Variants in GREM2 observed in about 807,000 individuals in gnomAD.
GREM2 encodes gremlin 2, DAN family BMP antagonist, also known as gremlin-2.
GREM2 carries 11 observed loss-of-function variants against 14.2 expected under a neutral mutation model. That is an observed-to-expected ratio of 0.78 (90% CI 0.49 to 1.28). The LOEUF (loss-of-function observed/expected upper bound fraction) is 1.28. Ranked by LOEUF, GREM2 falls within the 50% of genes most tolerant of loss-of-function variation. GREM2 has a pLI of 0.00. For synonymous variants in GREM2, 98 were observed against 97.6 expected (o/e 1.00, Z -0.02); for missense variants, 210 against 218.5 (o/e 0.96, Z 0.24).
At chr1:240,585,594 G>A (rs1031970408) in intron 1 of GREM2, among the ~76,000 whole-genome samples, 1 of 151,808 alleles carries the variant, frequency 6.6e-6, no homozygotes, top group African/African-American at 2.4e-5. Flanking sequence ...GCCAGGCGTG[G>A]TGGCGGGCGC....
intron 1 of GREM2, among the ~76,000 whole-genome samples, chr1:240,555,925 G>C (rs1678946543): frequency 6.6e-6 from 1 of 152,124 alleles, no homozygotes; most frequent in Non-Finnish European, 1.5e-5. Context: ...AATAGCCTTT[G>C]GCTCTTATTT....
chr1:240,559,166 A>T (rs963797125), intron 1 of GREM2, among the ~76,000 whole-genome samples: 2 of 152,164 alleles, frequency 1.3e-5, no homozygotes, highest in East Asian at 1.9e-4. Context: ...ACTCTGTTAC[A>T]TTGAAATTCA....
intron 1 of GREM2, among the ~76,000 whole-genome samples, chr1:240,594,810 G>A (rs1163441500): frequency 1.3e-5 from 2 of 152,084 alleles, no homozygotes; most frequent in East Asian, 1.9e-4. Flanking sequence ...ATCCTTGTAC[G>A]AGCATCATAG....
chr1:240,546,483 C>T (rs1022937842), intron 1 of GREM2, among the ~76,000 whole-genome samples: 2 of 152,202 alleles, frequency 1.3e-5, no homozygotes, highest in Non-Finnish European at 2.9e-5. Flanking sequence ...CATGTCACTA[C>T]AAGGTCATCA....
intron 1 of GREM2, among the ~76,000 whole-genome samples, chr1:240,587,328 T>TC (rs1679617875): frequency 6.6e-6 from 1 of 151,920 alleles, no homozygotes; most frequent in South Asian, 2.1e-4. Flanking sequence ...TTTTCTTTTT[T>TC]TTGGGGGGGT....
chr1:240,588,171 T>G (rs893802195), intron 1 of GREM2, among the ~76,000 whole-genome samples: 2 of 152,184 alleles, frequency 1.3e-5, no homozygotes, highest in Non-Finnish European at 2.9e-5. Context: ...TGTACTGTTT[T>G]TCAGTGTTTT....
intron 1 of GREM2, among the ~76,000 whole-genome samples, chr1:240,606,837 C>T (rs1342246111): frequency 6.6e-6 from 1 of 152,056 alleles, no homozygotes; most frequent in African/African-American, 2.4e-5. Flanking sequence ...CACCACCATG[C>T]CCGGCTAATT....
intron 1 of GREM2, among the ~76,000 whole-genome samples, chr1:240,587,335 G>C (rs1346406503): frequency 2.0e-5 from 3 of 151,078 alleles, no homozygotes; most frequent in African/African-American, 7.3e-5. Context: ...TTTTTTGGGG[G>C]GGTGGGGACA....
chr1:240,541,132 G>T (rs966621946), intron 1 of GREM2, among the ~76,000 whole-genome samples: 1 of 152,186 alleles, frequency 6.6e-6, no homozygotes, highest in African/African-American at 2.4e-5. Context: ...AAAAGGGTGG[G>T]ATCCGTATGA....
chr1:240,577,931 A>G (rs979187912), intron 1 of GREM2, among the ~76,000 whole-genome samples: 1 of 152,202 alleles, frequency 6.6e-6, no homozygotes, highest in African/African-American at 2.4e-5. Flanking sequence ...AAGAGTTCAA[A>G]GTTATCCTTT....
In GREM2 at chr1:240,575,654, G is replaced by A. The variant is rs998593586; in HGVS notation, c.-2+36230C>T. Among the ~76,000 whole-genome samples, 11 of 151,708 alleles carry A rather than the reference G, an allele frequency of 7.3e-5. No homozygotes were observed. The East Asian group carries it at 1.2e-3, about 16-fold the overall frequency. ...TCCTGACTCAGTCTCCTGAATAGCC[G>A]GGATTACAGGCGCGCACCACCACGC... On this transcript the variant is annotated intron_variant, in intron 1 of 1. Transcript: ENST00000318160.
At chr1:240,497,098 G>A (rs1307294004) in intron 1 of GREM2, among the ~76,000 whole-genome samples, 1 of 152,064 alleles carries the variant, frequency 6.6e-6, no homozygotes, top group Admixed American at 6.6e-5. Context: ...TAAGAAGCCA[G>A]AGAAAGGCAT....
chr1:240,523,744 T>C (rs1678157858), intron 1 of GREM2, among the ~76,000 whole-genome samples: 1 of 152,194 alleles, frequency 6.6e-6, no homozygotes, highest in Non-Finnish European at 1.5e-5. Context: ...TACTTAAATA[T>C]ATGAAATTTT....
At chr1:240,555,396 A>G (rs1054404032) in intron 1 of GREM2, among the ~76,000 whole-genome samples, 16 of 152,216 alleles carry the variant, frequency 1.1e-4, no homozygotes, top group Admixed American at 9.8e-4. Context: ...GGCCTGGCAC[A>G]AAGCATAAGG....
rs1299467595 is a variant in GREM2 at position 240,491,685 on chromosome 1, A to G, written c.*1284T>C. The G allele has an allele frequency of 6.6e-6, 1 of 152,400 alleles. No homozygotes were observed. The highest frequency in any genetic ancestry group is 1.9e-4 in the East Asian group (1 of 5,178). 9.4% of individuals were successfully genotyped at this position (152,400 alleles called of 1,614,324 possible). On this transcript the variant is annotated 3_prime_UTR_variant, in exon 2 of 2. Coordinates refer to ENST00000318160, the MANE Select transcript of GREM2 (RefSeq NM_022469.4). ...TTACTCCCTTCTATACCACAAAGCG[A>G]CTCAACTCCTTATATTTTTCAATAT... is the stretch of plus-strand genomic sequence containing the variant.
At chr1:240,604,090 C>T (rs1037204437) in intron 1 of GREM2, among the ~76,000 whole-genome samples, 8 of 151,618 alleles carry the variant, frequency 5.3e-5, no homozygotes, top group Non-Finnish European at 7.4e-5. Context: ...AGGGAGGTGC[C>T]GGGCTCTCTT....
intron 1 of GREM2, among the ~76,000 whole-genome samples, chr1:240,585,253 AG>A (rs1679571296): frequency 6.6e-6 from 1 of 152,100 alleles, no homozygotes; most frequent in Admixed American, 6.6e-5. Flanking sequence ...TGCAGTTTAA[AG>A]GAGACACCCC....
intron 1 of GREM2, among the ~76,000 whole-genome samples, chr1:240,565,465 A>G (rs1421885219): frequency 6.6e-6 from 1 of 152,172 alleles, no homozygotes; most frequent in African/African-American, 2.4e-5. Flanking sequence ...TATCAACTCC[A>G]ATAAGTATCA....
At chr1:240,513,436 G>A (rs1171289306) in intron 1 of GREM2, among the ~76,000 whole-genome samples, 3 of 152,042 alleles carry the variant, frequency 2.0e-5, no homozygotes, top group Admixed American at 6.6e-5. Flanking sequence ...TTAGCTGGGC[G>A]TGGTGGCATG....
Sources: gnomAD v4.1 joint callset for allele counts (sites outside exome capture counted in the v4.1 genomes callset) on GRCh38, gnomAD v4.1.1 for gene constraint, MANE v1.5 for transcripts, NCBI Gene and HGNC (gene_info 2026-07-23, HGNC 2026-07-21) for gene names.